POLR1A: variants seen among roughly 807,000 people sequenced by gnomAD.
The protein encoded by POLR1A is DNA-directed RNA polymerase I subunit RPA1.
Under a neutral mutation model 205.3 loss-of-function variants are expected in POLR1A, and 84 were observed. The observed-to-expected ratio is 0.41, with a 90% CI of 0.34 to 0.49. POLR1A has a LOEUF of 0.49. Among genes scored for constraint, POLR1A ranks in the 20% least tolerant of loss-of-function variants. The probability of loss-of-function intolerance (pLI) is 0.22; values close to 1 mark genes in which losing one functional copy is unlikely to be tolerated. For synonymous variants in POLR1A, 799 were observed against 863.7 expected (o/e 0.93, Z 1.31); for missense variants, 1,645 against 2,204.5 (o/e 0.75, Z 5.08).
chr2:86,020,768 C>T lies in POLR1A; in HGVS notation c.*6655G>A, dbSNP rs1690117158. 1 of 152,186 alleles carries T rather than the reference C, an allele frequency of 6.6e-6. No homozygotes were observed. The highest frequency in any genetic ancestry group is 2.4e-5 in the African/African-American group (1 of 41,428). 9.4% of individuals were successfully genotyped at this position (152,186 alleles called of 1,614,324 possible). On this transcript the variant is annotated 3_prime_UTR_variant, in exon 34 of 34. Coordinates refer to ENST00000263857, the MANE Select transcript of POLR1A (RefSeq NM_015425.6). ...TTTAGCAGCATCTCTAGCCTCCACT[C>T]CCTAGATGCCAGTAGCACCTCCCTC... is the stretch of plus-strand genomic sequence containing the variant.
chr2:86,031,398 C>T lies in POLR1A; in HGVS notation c.4510G>A (p.Ala1504Thr). 6.2e-7 allele frequency: 1 copy of T among 1,612,236 alleles called. No homozygotes were observed. Among genetic ancestry groups the T allele is most frequent in the Non-Finnish European group, 8.5e-7 (1 of 1,178,938 alleles). Residue 1504 changes from alanine to threonine, a missense_variant, in exon 30 of 34, where the codon GCT becomes ACT. Ala to Thr is a moderately conservative substitution (Grantham distance 58, BLOSUM62 0). Coordinates refer to ENST00000263857, the MANE Select transcript of POLR1A (RefSeq NM_015425.6). ...ATGAACGGGTGGATCTCACGCACAG[C>T]CTGGACCCGGCGCTCCATGGCCTCG... Reference protein sequence around the residue: ...GPEAMERRVQAVREIHPFIDD... With the variant: ...GPEAMERRVQTVREIHPFIDD...
intron 1 of POLR1A, among the ~76,000 whole-genome samples, chr2:86,103,026 G>C (rs1673850927): frequency 6.6e-6 from 1 of 152,228 alleles, no homozygotes; most frequent in Non-Finnish European, 1.5e-5. Flanking sequence ...GTGCCAGACA[G>C]TGTTAAGTGC....
Position 86,026,315 on chromosome 2 carries a change from C to G in POLR1A, c.*1108G>C, listed in dbSNP as rs1324686206. 6.6e-6 allele frequency: 1 copy of G among 152,170 alleles called. No individual in the cohort carries two copies. The highest frequency in any genetic ancestry group is 1.5e-5 in the Non-Finnish European group (1 of 68,044). The allele number at this position is 152,170 out of a possible 1,614,324, so 9.4% of individuals were successfully genotyped here. ...CAAATCCAAATGCAGAAACTGCAAA[C>G]CAAGGGAAAAAATTGTTGTAAAAAA... On this transcript the variant is annotated 3_prime_UTR_variant, in exon 34 of 34. Transcript: ENST00000263857.
At chr2:86,083,297 T>C in intron 6 of POLR1A, 129 bp from the exon 7 acceptor site, 1 of 689,662 alleles carries the variant, frequency 1.4e-6, no homozygotes, top group East Asian at 2.7e-5. Flanking sequence ...GGGTAGCATA[T>C]TATCAGGCCT....
At chr2:86,088,925 A>G (rs770241743) in intron 4 of POLR1A, 55 bp from the exon 5 acceptor site, 288 of 1,260,278 alleles carry the variant, frequency 2.3e-4, no homozygotes, top group Non-Finnish European at 3.1e-4. Context: ...AAGAGAATCC[A>G]ATATATTTAC....
In POLR1A at chr2:86,043,197, T is replaced by TAAAC. The variant is rs759645757; in HGVS notation, c.3136-6_3136-3dup. On this transcript the variant is annotated splice_polypyrimidine_tract_variant and splice_region_variant and intron_variant, in intron 22 of 33. Coordinates refer to ENST00000263857, the MANE Select transcript of POLR1A (RefSeq NM_015425.6). ...GAGATGCTGTGATTTCATTATCACC[T>TAAAC]AAACAAACAAACAAAAAAACAAACA... 16 of 1,604,856 alleles carry TAAAC rather than the reference T, an allele frequency of 1.0e-5. No individual in the cohort carries two copies. Among genetic ancestry groups the TAAAC allele is most frequent in the Non-Finnish European group, 1.3e-5 (15 of 1,172,676 alleles).
chr2:86,061,185 G>A (rs1480354272), intron 14 of POLR1A, among the ~76,000 whole-genome samples: 1 of 152,210 alleles, frequency 6.6e-6, no homozygotes, highest in Non-Finnish European at 1.5e-5. Flanking sequence ...GGTGGCTCAT[G>A]CTTGTAATCC....
At chr2:86,066,467 C>T (rs755944657) in intron 13 of POLR1A, among the ~76,000 whole-genome samples, 2 of 152,212 alleles carry the variant, frequency 1.3e-5, no homozygotes, top group African/African-American at 2.4e-5. Context: ...GGCAACATAA[C>T]GCACGCTGAA....
rs916771089 is a variant in POLR1A, at chr2:86,023,559, T to C, written c.*3864A>G. ...CCACGAGATGGCACCTCATACACATTAGGGTGGCTACTATTAACAAGAACA... is the reference window on the plus strand; with the variant it reads ...CCACGAGATGGCACCTCATACACATCAGGGTGGCTACTATTAACAAGAACA... On this transcript the variant is annotated 3_prime_UTR_variant, in exon 34 of 34. Coordinates refer to ENST00000263857, the MANE Select transcript of POLR1A (RefSeq NM_015425.6). 11 of 152,072 alleles carry C rather than the reference T, an allele frequency of 7.2e-5. No homozygotes were observed. The highest frequency in any genetic ancestry group is 2.7e-4 in the African/African-American group (11 of 41,396). 9.4% of individuals were successfully genotyped at this position (152,072 alleles called of 1,614,324 possible). A position where few individuals can be genotyped will look rare whatever the true frequency, so the allele number is the denominator to read the frequency against.
chr2:86,029,410 G>C lies in POLR1A; in HGVS notation c.4780-699C>G, dbSNP rs1672338892. Among the ~76,000 whole-genome samples the C allele has an allele frequency of 2.0e-5, 3 of 152,162 alleles. No homozygotes were observed. In the South Asian group the frequency reaches 6.2e-4, roughly 31 times the overall value. On this transcript the variant is annotated intron_variant, in intron 31 of 33. Transcript: ENST00000263857. ...GGGGGAAACCCAGAAAGTTCTGGGA[G>C]AGTTGGTGAAGTGGGAGTACTTGGA...
At position 86,054,246 on chromosome 2, in the gene POLR1A, A is replaced by C. The variant is rs1490488723; in HGVS notation, c.2102T>G (p.Ile701Ser). Residue 701 changes from isoleucine (I) to serine (S), a missense_variant, in exon 15 of 34, where the codon ATC becomes AGC. Around this residue, in one of 16 missense-constraint regions of POLR1A, gnomAD observed 339 missense variants for 415.1 expected, o/e 0.82. Transcript: ENST00000263857. ...CGCCTTTCCAGATAAGTTCAGTGGGATGTGGTCCTCTGGGATTATATTTAT... is the reference window on the plus strand; with the variant it reads ...CGCCTTTCCAGATAAGTTCAGTGGGCTGTGGTCCTCTGGGATTATATTTAT... ...LLINIIPEDH[I>S]PLNLSGKAKI... 1 of 1,614,060 alleles carries C rather than the reference A, an allele frequency of 6.2e-7. No homozygotes were observed. The highest frequency in any genetic ancestry group is 1.6e-4 in the Middle Eastern group (1 of 6,062).
intron 27 of POLR1A, among the ~76,000 whole-genome samples, chr2:86,035,078 C>T (rs147874684): frequency 1.1e-3 from 166 of 152,308 alleles, no homozygotes; most frequent in African/African-American, 3.8e-3. Context: ...ACCATGTTGG[C>T]CAGGCTGATT....
At position 86,039,067 on chromosome 2, in the gene POLR1A, G is replaced by A. The variant is rs939890532; in HGVS notation, c.3877-210C>T. On this transcript the variant is annotated intron_variant, in intron 26 of 33. Transcript: ENST00000263857. ...TCCAGAGAGTGGCCTGAACCTCCTAGGAGTGGCCTCAGCAGAGCGGGTAGG... is the reference window on the plus strand; with the variant it reads ...TCCAGAGAGTGGCCTGAACCTCCTAAGAGTGGCCTCAGCAGAGCGGGTAGG... 10 of 645,136 alleles carry A rather than the reference G, an allele frequency of 1.6e-5. No individual in the cohort carries two copies. The East Asian group carries it at 2.2e-4, about 14-fold the overall frequency. The allele number at this position is 645,136 out of a possible 1,614,324, so 40.0% of individuals were successfully genotyped here.
intron 16 of POLR1A, among the ~76,000 whole-genome samples, chr2:86,050,679 C>G (rs1024407627): frequency 2.6e-5 from 4 of 152,344 alleles, no homozygotes; most frequent in South Asian, 2.1e-4. Flanking sequence ...TGTTCCTCAT[C>G]ATGAGCTGGG....
At position 86,023,993 on chromosome 2, in the gene POLR1A, C is replaced by G. The variant is rs1690208601; in HGVS notation, c.*3430G>C. 1 of 152,404 alleles carries G rather than the reference C, an allele frequency of 6.6e-6. No homozygotes were observed. The highest frequency in any genetic ancestry group is 6.5e-5 in the Admixed American group (1 of 15,286). The allele number at this position is 152,404 out of a possible 1,614,324, so 9.4% of individuals were successfully genotyped here. ...TCGAATCCTGACCTCAGATGATCTG[C>G]CCGCCTCGGCCTCCCAACGTATTGG... On this transcript the variant is annotated 3_prime_UTR_variant, in exon 34 of 34. Transcript: ENST00000263857.
intron 9 of POLR1A, among the ~76,000 whole-genome samples, chr2:86,080,468 G>A (rs1376974828): frequency 1.3e-5 from 2 of 152,150 alleles, no homozygotes; most frequent in African/African-American, 2.4e-5. Context: ...ATTCTTTCTA[G>A]AGCTGCGAGA....
intron 24 of POLR1A, 84 bp from the exon 25 acceptor site, chr2:86,040,643 C>G: frequency 9.0e-7 from 1 of 1,106,720 alleles, no homozygotes; most frequent in Non-Finnish European, 1.2e-6. Context: ...CTGCCCGAAA[C>G]CAGAAAACTG....
chr2:86,032,712 A>T (rs1672420083), intron 28 of POLR1A, among the ~76,000 whole-genome samples: 1 of 152,124 alleles, frequency 6.6e-6, no homozygotes, highest in South Asian at 2.1e-4. Context: ...TGTTCCAAAT[A>T]TTTTTGATCA....
In POLR1A at chr2:86,033,663, G is replaced by A. The variant is rs570647558; in HGVS notation, c.4159C>T (p.Arg1387Trp). The A allele has an allele frequency of 1.3e-5, 21 of 1,613,084 alleles. No homozygotes were observed. Among genetic ancestry groups the A allele is most frequent in the South Asian group, 8.8e-5 (8 of 91,024 alleles). Residue 1387 changes from arginine to tryptophan, a missense_variant and splice_region_variant, in exon 28 of 34, where the codon CGG (arginine) becomes TGG (tryptophan). Physicochemically the swap from Arg to Trp is moderately radical, Grantham distance 101 (BLOSUM62 -3). Coordinates refer to ENST00000263857, the MANE Select transcript of POLR1A (RefSeq NM_015425.6). ...LDNAGELGRSRGEQEGDEEEE... is the reference protein window; with the variant it reads ...LDNAGELGRSWGEQEGDEEEE... The stretch of plus-strand genomic sequence containing the variant: ...GTGACCCCCGGGGACTCACTCACCC[G>A]ACTCCTCCCCAACTCCCCAGCGTTG...
Sources: gnomAD v4.1 joint callset for allele counts (sites outside exome capture counted in the v4.1 genomes callset) on GRCh38, gnomAD v4.1.1 for gene constraint, gnomAD v4.1.1 regional missense constraint, MANE v1.5 for transcripts, NCBI Gene and HGNC (gene_info 2026-07-23, HGNC 2026-07-21) for gene names.